Variants in CTCFL observed in about 807,000 individuals in gnomAD.
CTCFL encodes the protein CCCTC-binding factor like, also known as transcriptional repressor CTCFL.
Under a neutral mutation model 67.4 loss-of-function variants are expected in CTCFL, and 36 were observed. The observed-to-expected ratio is 0.53, with a 90% CI of 0.41 to 0.71. The LOEUF (loss-of-function observed/expected upper bound fraction) is 0.71. Ranked by LOEUF, CTCFL falls within the 30% of genes least tolerant of loss-of-function variation. The pLI is 0.00. For missense variants in CTCFL, 786 were observed against 835.2 expected, an observed-to-expected ratio of 0.94 and a Z score of 0.73; for synonymous variants, 324 against 302.3, an observed-to-expected ratio of 1.07 and a Z score of -0.75.
At chr20:57,505,794 T>C (rs906179391) in intron 9 of CTCFL, among the ~76,000 whole-genome samples, 3 of 152,216 alleles carry the variant, frequency 2.0e-5, no homozygotes, top group Non-Finnish European at 4.4e-5. Flanking sequence ...ACTCGTGACA[T>C]AGTCTCATCT....
intron 10 of CTCFL, among the ~76,000 whole-genome samples, chr20:57,501,980 G>A (rs868659600): frequency 1.2e-4 from 18 of 152,364 alleles, no homozygotes; most frequent in Middle Eastern, 6.8e-3. Flanking sequence ...ATGATAAGAA[G>A]GGACTTGCAT....
At chr20:57,512,073 C>T (rs190128779) in intron 8 of CTCFL, among the ~76,000 whole-genome samples, 10 of 152,286 alleles carry the variant, frequency 6.6e-5, no homozygotes, top group Admixed American at 3.9e-4. Flanking sequence ...AGTGGAGGTG[C>T]GTATGCCGGC....
At chr20:57,507,056 A>G (rs1337433004) in intron 9 of CTCFL, 1 of 987,852 alleles carries the variant, frequency 1.0e-6, no homozygotes, top group Non-Finnish European at 1.2e-6. Context: ...TACATGGTCC[A>G]AGGATCTAGC....
At chr20:57,499,080 G>T (rs1416398282) in intron 10 of CTCFL, among the ~76,000 whole-genome samples, 3 of 122,098 alleles carry the variant, frequency 2.5e-5, no homozygotes, top group Admixed American at 8.1e-5. Context: ...TGACGGGGGG[G>T]GGGTGGGGGG....
chr20:57,524,731 G>A (rs761077382), intron 1 of CTCFL: 10 of 992,278 alleles, frequency 1.0e-5, no homozygotes, highest in South Asian at 4.6e-5. Context: ...CCTCGTGCAC[G>A]GTTCTAGACC....
At chr20:57,523,497 C>G (rs1467835041) in intron 2 of CTCFL, among the ~76,000 whole-genome samples, 166 bp downstream of exon 2, 1 of 152,090 alleles carries the variant, frequency 6.6e-6, no homozygotes, top group African/African-American at 2.4e-5. Flanking sequence ...TTTTAAAACT[C>G]TTTTTTAAAA....
intron 5 of CTCFL, among the ~76,000 whole-genome samples, chr20:57,518,206 C>T (rs2069071886): frequency 6.6e-6 from 1 of 152,228 alleles, no homozygotes; most frequent in Non-Finnish European, 1.5e-5. Context: ...AAAAGCAGTG[C>T]TCTGCCTGTT....
intron 2 of CTCFL, 67 bp downstream of exon 2, chr20:57,523,596 T>A: frequency 6.5e-7 from 1 of 1,547,938 alleles, no homozygotes; most frequent in Admixed American, 1.9e-5. Context: ...AGACATAATA[T>A]TGCATAAAAG....
At chr20:57,518,045 A>G (rs1047275688) in intron 5 of CTCFL, among the ~76,000 whole-genome samples, 4 of 152,240 alleles carry the variant, frequency 2.6e-5, no homozygotes, top group Admixed American at 6.5e-5. Flanking sequence ...CACTGTTACT[A>G]TATTTAATCA....
intron 10 of CTCFL, among the ~76,000 whole-genome samples, chr20:57,501,525 A>T (rs1265554648): frequency 6.6e-6 from 1 of 152,212 alleles, no homozygotes; most frequent in Non-Finnish European, 1.5e-5. Flanking sequence ...ATATTTTACA[A>T]CATCATTGGT....
intron 3 of CTCFL, among the ~76,000 whole-genome samples, chr20:57,519,883 C>G (rs1468784923): frequency 1.3e-5 from 2 of 152,204 alleles, no homozygotes; most frequent in African/African-American, 4.8e-5. Context: ...TCATGTGTGA[C>G]TCTTAAATTT....
intron 8 of CTCFL, among the ~76,000 whole-genome samples, chr20:57,510,341 A>G (rs1164517992): frequency 6.6e-6 from 1 of 152,212 alleles, no homozygotes; most frequent in Non-Finnish European, 1.5e-5. Context: ...TTTTAAAATA[A>G]AACAATTTAT....
intron 8 of CTCFL, among the ~76,000 whole-genome samples, chr20:57,510,039 G>A (rs1390756912): frequency 6.6e-6 from 1 of 152,182 alleles, no homozygotes; most frequent in Non-Finnish European, 1.5e-5. Context: ...TGAGCCTGAG[G>A]CCTCAGAATA....
intron 8 of CTCFL, among the ~76,000 whole-genome samples, chr20:57,510,395 T>C (rs1220289167): frequency 2.0e-5 from 3 of 152,248 alleles, no homozygotes; most frequent in Non-Finnish European, 2.9e-5. Context: ...ATATTATTTC[T>C]GTAAAATTAT....
Position 57,523,704 on chromosome 20 carries a change from T to G in CTCFL, c.502A>C (p.Lys168Gln). The G allele has an allele frequency of 6.2e-7, 1 of 1,613,496 alleles. No homozygotes were observed. Among genetic ancestry groups the G allele is most frequent in the East Asian group, 2.2e-5 (1 of 44,886 alleles). ...GTTTCAGCCAGGCTCACCGCTAACT[T>G]ACTGTCTTCACTGGCCACCATCACA... ...ENVMVASEDS[K>Q]LAVSLAETTG... is the part of the protein sequence containing the mutation. The change falls in exon 2 of 11, where the codon AAG becomes CAG. Residue 168 changes from lysine (K) to glutamine (Q), a missense_variant. This residue lies in a region of CTCFL where 333 missense variants were observed against 304.6 expected (regional missense o/e 1.09). Coordinates refer to ENST00000243914, the MANE Select transcript of CTCFL (RefSeq NM_001386993.1).
rs368991408 is a variant in CTCFL at position 57,519,232 on chromosome 20, C to T, written c.900G>A (p.Leu300=). The change falls in exon 4 of 11, where the codon CTG becomes CTA. Residue 300 remains leucine (L), a synonymous_variant. Transcript: ENST00000243914. ...CLKTFRTVTL[L]RNHVNTHTGT... ...CTGTGTGGGTGTTAACATGGTTCCG[C>T]AGCAGAGTGACCGTACGGAAGGTTT... 3.1e-6 allele frequency: 5 copies of T among 1,614,162 alleles called. No homozygotes were observed. In the Admixed American group the frequency reaches 5.0e-5, roughly 16 times the overall value.
At chr20:57,519,785 C>A (rs917281535) in intron 3 of CTCFL, among the ~76,000 whole-genome samples, 2 of 152,140 alleles carry the variant, frequency 1.3e-5, no homozygotes, top group African/African-American at 4.8e-5. Flanking sequence ...CTAAAGATAA[C>A]CCGCCCCATC....
chr20:57,508,800 G>C lies in CTCFL; in HGVS notation c.1492-12C>G. 1 of 1,612,508 alleles carries C rather than the reference G, an allele frequency of 6.2e-7. No homozygotes were observed. Among genetic ancestry groups the C allele is most frequent in the Non-Finnish European group, 8.5e-7 (1 of 1,178,832 alleles). ...GTCATATGACGTTCCTAAGAGGGAA[G>C]GGGAAGAAAGCAGCTTGTCTAGTTC... On this transcript the variant is annotated splice_polypyrimidine_tract_variant and intron_variant, in intron 8 of 10. Coordinates refer to ENST00000243914, the MANE Select transcript of CTCFL (RefSeq NM_001386993.1).
chr20:57,515,653 T>G (rs1041885664), intron 6 of CTCFL, 61 bp downstream of exon 6: 1 of 1,607,282 alleles, frequency 6.2e-7, no homozygotes, highest in African/African-American at 1.3e-5. Flanking sequence ...AAGTAATTTT[T>G]TAAAGCTTGC....
Sources: gnomAD v4.1 joint callset for allele counts (sites outside exome capture counted in the v4.1 genomes callset) on GRCh38, gnomAD v4.1.1 for gene constraint, gnomAD v4.1.1 regional missense constraint, MANE v1.5 for transcripts, NCBI Gene and HGNC (gene_info 2026-07-23, HGNC 2026-07-21) for gene names.